CEP72: variants seen among roughly 807,000 people sequenced by gnomAD.
The protein encoded by CEP72 is centrosomal protein of 72 kDa.
Under a neutral mutation model 65.7 loss-of-function variants are expected in CEP72, and 78 were observed. That is an observed-to-expected ratio of 1.19 (90% CI 0.99 to 1.43). The LOEUF (loss-of-function observed/expected upper bound fraction) is 1.43. Ranked by LOEUF, CEP72 falls within the 40% of genes most tolerant of loss-of-function variation. CEP72 has a pLI of 0.00. For missense variants in CEP72, 914 were observed against 832.9 expected (o/e 1.10, Z -1.20); for synonymous variants, 358 against 351.7 (o/e 1.02, Z -0.20).
In CEP72 at chr5:639,178, G is replaced by A; in HGVS notation, c.1296G>A (p.Arg432=). The A allele has an allele frequency of 1.2e-6, 2 of 1,608,456 alleles. No individual in the cohort carries two copies. Among genetic ancestry groups the A allele is most frequent in the Non-Finnish European group, 1.7e-6 (2 of 1,176,384 alleles). ...LLETLLDLVD[R]SWGGCRSLHS... ...AGACGCTCTTGGACCTGGTGGACAG[G>A]AGCTGGGGCGGCTGCAGGTCCCTGC... The change falls in exon 8 of 12, where the codon AGG becomes AGA. Residue 432 remains arginine (R), a synonymous_variant. Coordinates refer to ENST00000264935, the MANE Select transcript of CEP72 (RefSeq NM_018140.4).
chr5:669,462 G>A (rs910803746), downstream of CEP72, among the ~76,000 whole-genome samples: 1 of 152,122 alleles, frequency 6.6e-6, no homozygotes, highest in African/African-American at 2.4e-5. Context: ...GGGCCCTGTG[G>A]GGGTGTTGAC....
intron 1 of CEP72, chr5:662,168 C>G (rs1432509097): frequency 6.6e-6 from 1 of 152,408 alleles, no homozygotes; most frequent in Non-Finnish European, 1.5e-5. Context: ...GCCATGAGCC[C>G]CGCCGCTCCG....
intron 9 of CEP72, 92 bp downstream of exon 9, chr5:640,696 A>G (rs1350079442): frequency 1.4e-6 from 2 of 1,461,964 alleles, no homozygotes; most frequent in African/African-American, 2.8e-5. Context: ...TTGATGCCAC[A>G]CTGTCCCAAC....
At chr5:613,929 A>G (rs754054517) in intron 1 of CEP72, among the ~76,000 whole-genome samples, 3 of 152,232 alleles carry the variant, frequency 2.0e-5, no homozygotes, top group Non-Finnish European at 4.4e-5. Flanking sequence ...ACAAAATCCA[A>G]GTGATCCTGA....
intron 9 of CEP72, chr5:642,264 A>G (rs1032890063): frequency 7.3e-5 from 72 of 984,592 alleles, no homozygotes; most frequent in Non-Finnish European, 8.6e-5. Flanking sequence ...TTTTAAACCA[A>G]CGTGGCCCCT....
rs140985266 is a variant in CEP72 at position 618,465 on chromosome 5, G to A, written c.83-525G>A. Reference sequence around the variant, plus strand: ...AATCTTTTTACATATACTGTTAGAGGAAGAAATGTTTTGAATGACCCTTGT... The same window carrying A: ...AATCTTTTTACATATACTGTTAGAGAAAGAAATGTTTTGAATGACCCTTGT... On this transcript the variant is annotated intron_variant, in intron 1 of 11. Coordinates refer to ENST00000264935, the MANE Select transcript of CEP72 (RefSeq NM_018140.4). Among the ~76,000 whole-genome samples the A allele has an allele frequency of 2.2e-3, 328 of 152,326 alleles. 1 individual carries two copies. The highest frequency in any genetic ancestry group is 7.5e-3 in the African/African-American group (312 of 41,570).
chr5:612,556 G>C (rs1011415952), intron 1 of CEP72, 113 bp downstream of exon 1: 1 of 1,246,676 alleles, frequency 8.0e-7, no homozygotes, highest in Non-Finnish European at 1.0e-6. Context: ...CGCAGGCGCC[G>C]CGGGCGTCCG....
chr5:636,791 T>C (rs1011428836), intron 6 of CEP72, among the ~76,000 whole-genome samples: 11 of 120,666 alleles, frequency 9.1e-5, no homozygotes, highest in African/African-American at 2.3e-4. Flanking sequence ...GCCTGGGCAA[T>C]AGAGCAAGAC....
At position 619,086 on chromosome 5, in the gene CEP72, A is replaced by C. The variant is rs1432349784; in HGVS notation, c.179A>C (p.Asp60Ala). The change falls in exon 2 of 12, where the codon GAT (aspartate) becomes GCT (alanine). Residue 60 changes from aspartate to alanine, a missense_variant. By Grantham distance (126) the Asp-to-Ala change is moderately radical. Coordinates refer to ENST00000264935, the MANE Select transcript of CEP72 (RefSeq NM_018140.4). ...LMSLTGLKSL[D>A]LSRNSLVSLE... ...AGTTTAACAGGTCTGAAATCTTTGG[A>C]TCTCTCGCGCAACTCCTTGGTTAGT... 1.9e-6 allele frequency: 3 copies of C among 1,613,746 alleles called. No individual in the cohort carries two copies. In the African/African-American group the frequency reaches 4.0e-5, roughly 22 times the overall value.
At chr5:655,177 A>G (rs572851392), downstream of CEP72, among the ~76,000 whole-genome samples, 9 of 152,056 alleles carry the variant, frequency 5.9e-5, no homozygotes, top group Non-Finnish European at 8.8e-5. This position sits in a 1 kb window ranked among gnomAD's most constrained non-coding sequence, Gnocchi z 5.0. Context: ...CCTGGCCAAC[A>G]TGGCGAAACT....
At chr5:665,101 G>A (rs772899254) in intron 2 of CEP72, 1 of 1,608,910 alleles carries the variant, frequency 6.2e-7, no homozygotes, top group Admixed American at 1.7e-5. Flanking sequence ...TGGAGCGGGG[G>A]CTACTTGCCC....
intron 9 of CEP72, chr5:642,765 A>G: frequency 2.0e-6 from 2 of 985,494 alleles, no homozygotes; most frequent in Non-Finnish European, 2.4e-6. Context: ...CAGCACCGTC[A>G]GGAACCCCGC....
chr5:648,553 CTG>C (rs1301028249), intron 11 of CEP72, among the ~76,000 whole-genome samples: 3 of 117,390 alleles, frequency 2.6e-5, no homozygotes, highest in African/African-American at 3.8e-5. Flanking sequence ...TGAGGTGTGA[CTG>C]TGAGGTGTGG....
chr5:643,748 CCAGGGAGGGGCAGAGGCTGCCGTGTAGCT>C, intron 9 of CEP72: 2 of 794,820 alleles, frequency 2.5e-6, no homozygotes, highest in Non-Finnish European at 3.0e-6. Flanking sequence ...CACCCTGGGG[CCAGGGAGGGGCAGAGGCTGCCGTGTAGCT>C]GCAGGCGTGG....
intron 4 of CEP72, among the ~76,000 whole-genome samples, chr5:632,265 TA>T (rs1391841558): frequency 2.1e-4 from 8 of 38,810 alleles, no homozygotes; most frequent in Non-Finnish European, 2.7e-4. Flanking sequence ...TGCCGGGATT[TA>T]GACCAGTCCT....
In CEP72 at chr5:639,144, C is replaced by T. The variant is rs760155795; in HGVS notation, c.1262C>T (p.Ala421Val). 3.6e-5 allele frequency: 58 copies of T among 1,612,818 alleles called. 1 individual carries two copies. The South Asian group carries it at 4.9e-4, about 14-fold the overall frequency. ...LPGKKTALQAALLETLLDLVD... is the reference protein window; with the variant it reads ...LPGKKTALQAVLLETLLDLVD... ...GGGAAGAAGACGGCCCTGCAGGCGG[C>T]GCTCCTGGAGACGCTCTTGGACCTG... The change falls in exon 8 of 12, where the codon GCG (alanine) becomes GTG (valine). Residue 421 changes from alanine (A) to valine (V), a missense_variant. Ala to Val is a moderately conservative substitution (Grantham distance 64, BLOSUM62 0). Transcript: ENST00000264935.
At chr5:672,958 G>A in the CEP72 span, among the ~76,000 whole-genome samples, 3 of 152,294 alleles carry the variant, frequency 2.0e-5, no homozygotes, top group Non-Finnish European at 2.9e-5. Context: ...CAGATACCCC[G>A]AGCTGGCGCC....
intron 4 of CEP72, among the ~76,000 whole-genome samples, chr5:666,413 G>T (rs991154227): frequency 6.6e-6 from 1 of 152,218 alleles, no homozygotes; most frequent in South Asian, 2.1e-4. Flanking sequence ...AGGCAGCGGA[G>T]CCCACCTCCT....
downstream of CEP72, among the ~76,000 whole-genome samples, chr5:658,964 G>T (rs183011186): frequency 4.6e-5 from 7 of 152,276 alleles, no homozygotes; most frequent in East Asian, 1.4e-3. Context: ...CACCGCGCCC[G>T]GCCTCAGCGA....
Sources: gnomAD v4.1 joint callset for allele counts (sites outside exome capture counted in the v4.1 genomes callset) on GRCh38, gnomAD v4.1.1 for gene constraint, Gnocchi (gnomAD v3.1) non-coding constraint, MANE v1.5 for transcripts, NCBI Gene and HGNC (gene_info 2026-07-23, HGNC 2026-07-21) for gene names.